SMC6: variants seen among roughly 807,000 people sequenced by gnomAD.
SMC6 encodes structural maintenance of chromosomes 6, also known as structural maintenance of chromosomes protein 6.
A neutral mutation model predicts 142.2 loss-of-function variants in SMC6; 79 were observed. The ratio of observed to expected loss-of-function variants is 0.56; its 90% CI spans 0.46 to 0.67. SMC6 has a LOEUF of 0.67. SMC6 is among the 30% of genes least tolerant of loss of function. SMC6 has a pLI of 0.00. For synonymous variants in SMC6, 411 were observed against 412.4 expected, an observed-to-expected ratio of 1.00 and a Z score of 0.04; for missense variants, 1,072 against 1,284.0, an observed-to-expected ratio of 0.83 and a Z score of 2.52.
chr2:17,735,169 T>C (rs1572349556), intron 5 of SMC6, among the ~76,000 whole-genome samples: 2 of 152,190 alleles, frequency 1.3e-5, no homozygotes, highest in East Asian at 1.9e-4. Flanking sequence ...AGCTGGGTAC[T>C]AGCTCTGCAG....
At chr2:17,667,282 A>T (rs1250305634) in intron 26 of SMC6, among the ~76,000 whole-genome samples, 1 of 152,190 alleles carries the variant, frequency 6.6e-6, no homozygotes, top group Non-Finnish European at 1.5e-5. Flanking sequence ...TCTCCCCATT[A>T]CCTCTACCAT....
rs1297137715 is a variant in SMC6, at chr2:17,664,891, G to A, written c.*608C>T. 1 of 152,360 alleles carries A rather than the reference G, an allele frequency of 6.6e-6. No individual in the cohort carries two copies. Among genetic ancestry groups the A allele is most frequent in the Non-Finnish European group, 1.5e-5 (1 of 68,184 alleles). 9.4% of individuals were successfully genotyped at this position (152,360 alleles called of 1,614,324 possible). On this transcript the variant is annotated 3_prime_UTR_variant, in exon 28 of 28. Transcript: ENST00000448223. ...TTTTAAATCAGGCAAGCATGATGGA[G>A]GTCAGAGTGAAAAACTGCGTCATTA...
At chr2:17,681,050 G>A (rs967134356) in intron 24 of SMC6, 1 of 152,168 alleles carries the variant, frequency 6.6e-6, no homozygotes, top group South Asian at 2.1e-4. Context: ...ATCTTAGTCA[G>A]TTCTTCTGGA....
chr2:17,700,593 G>C (rs1483057756), intron 20 of SMC6, among the ~76,000 whole-genome samples: 1 of 152,134 alleles, frequency 6.6e-6, no homozygotes, highest in Non-Finnish European at 1.5e-5. Flanking sequence ...ATATTTAGGA[G>C]ACAATATTCT....
At chr2:17,723,692 T>C (rs1669483757) in intron 9 of SMC6, among the ~76,000 whole-genome samples, 1 of 152,188 alleles carries the variant, frequency 6.6e-6, no homozygotes, top group African/African-American at 2.4e-5. Context: ...GATACTCAAA[T>C]TATTTACCAT....
At chr2:17,753,385 G>C (rs564291112) in intron 1 of SMC6, among the ~76,000 whole-genome samples, 49 of 152,342 alleles carry the variant, frequency 3.2e-4, no homozygotes, top group African/African-American at 9.9e-4. Flanking sequence ...GCAGACGCCA[G>C]GTTTCCCGCG....
chr2:17,673,610 C>T (rs754166801), intron 25 of SMC6, among the ~76,000 whole-genome samples: 20 of 149,918 alleles, frequency 1.3e-4, no homozygotes, highest in Admixed American at 4.6e-4. Flanking sequence ...GCTCTTATTG[C>T]CCAGGCTGGA....
chr2:17,668,963 C>T (rs1666631045), intron 26 of SMC6, among the ~76,000 whole-genome samples: 1 of 152,096 alleles, frequency 6.6e-6, no homozygotes, highest in South Asian at 2.1e-4. Flanking sequence ...TGGTGGAGGA[C>T]GGACCGAAGA....
intron 26 of SMC6, 59 bp downstream of exon 26, chr2:17,670,364 G>T: frequency 6.5e-7 from 1 of 1,528,246 alleles, no homozygotes; most frequent in Non-Finnish European, 8.9e-7. Context: ...CCTTCCTTTA[G>T]AAATACATGT....
intron 19 of SMC6, 94 bp downstream of exon 19, chr2:17,703,063 G>T: frequency 1.3e-6 from 1 of 778,616 alleles, no homozygotes; most frequent in Non-Finnish European, 1.9e-6. Flanking sequence ...AAAGGTTTGA[G>T]AATTGCTTGG....
In SMC6 at chr2:17,670,470, T is replaced by C. The variant is rs1001623564; in HGVS notation, c.3016A>G (p.Ile1006Val). The C allele has an allele frequency of 3.1e-5, 50 of 1,613,706 alleles. No homozygotes were observed. Among genetic ancestry groups the C allele is most frequent in the Non-Finnish European group, 3.7e-5 (44 of 1,179,884 alleles). Residue 1006 changes from isoleucine to valine, a missense_variant, in exon 26 of 28, where the codon ATC becomes GTC. Physicochemically the swap from Ile to Val is conservative, Grantham distance 29. Coordinates refer to ENST00000448223, the MANE Select transcript of SMC6 (RefSeq NM_001142286.2). ...AGGCATCTGAAAGGAGATTCTGCGA[T>C]GGACCACAGGGAAAGAATAAAACAC... is the stretch of plus-strand genomic sequence containing the variant. Reference protein sequence around the residue: ...TVCFILSLWSIAESPFRCLDE... With the variant: ...TVCFILSLWSVAESPFRCLDE...
chr2:17,740,831 T>C lies in SMC6; in HGVS notation c.238+781A>G, dbSNP rs192457334. 2.8e-3 allele frequency: 744 copies of C among 269,510 alleles called. 3 individuals are homozygous for C. Among genetic ancestry groups the C allele is most frequent in the African/African-American group, 0.017 (693 of 39,630 alleles). 16.7% of individuals were successfully genotyped at this position (269,510 alleles called of 1,614,324 possible). A position where few individuals can be genotyped will look rare whatever the true frequency, so the allele number is the denominator to read the frequency against. ...CACCACTGCACTCCAACCTGGGCGA[T>C]AGAGGGAGACTCTGTCTCAAAAAAA... On this transcript the variant is annotated intron_variant, in intron 4 of 27. Coordinates refer to ENST00000448223, the MANE Select transcript of SMC6 (RefSeq NM_001142286.2).
Position 17,716,769 on chromosome 2 carries a change from T to C in SMC6, c.1318A>G (p.Lys440Glu). 3 of 1,611,984 alleles carry C rather than the reference T, an allele frequency of 1.9e-6. No homozygotes were observed. The highest frequency in any genetic ancestry group is 2.5e-6 in the Non-Finnish European group (3 of 1,179,458). ...ATTTTGCCATGTTCTTCTTTGTCCT[T>C]TTCTATGGCTTGCTGAAACTGTTCG... ...EIEQFQQAIE[K>E]DKEEHGKIKR... The change falls in exon 14 of 28, where the codon AAG becomes GAG. Residue 440 changes from lysine (K) to glutamate (E), a missense_variant. Lys to Glu is a moderately conservative substitution (Grantham distance 56). This residue lies in a region of SMC6 where 994 missense variants were observed against 1,153.2 expected (regional missense o/e 0.86). Coordinates refer to ENST00000448223, the MANE Select transcript of SMC6 (RefSeq NM_001142286.2).
Position 17,670,453 on chromosome 2 carries a change from G to C in SMC6, c.3033C>G (p.Phe1011Leu). The stretch of plus-strand genomic sequence containing the variant: ...AGACATCAAATTCATCCAGGCATCT[G>C]AAAGGAGATTCTGCGATGGACCACA... ...LSLWSIAESP[F>L]RCLDEFDVYM... Residue 1011 changes from phenylalanine to leucine, a missense_variant, in exon 26 of 28, where the codon TTC becomes TTG. Coordinates refer to ENST00000448223, the MANE Select transcript of SMC6 (RefSeq NM_001142286.2). 6.2e-7 allele frequency: 1 copy of C among 1,613,648 alleles called. No homozygotes were observed.
chr2:17,697,772 T>C (rs1668072388), intron 21 of SMC6, among the ~76,000 whole-genome samples: 1 of 152,080 alleles, frequency 6.6e-6, no homozygotes, highest in South Asian at 2.1e-4. Flanking sequence ...TACAGTCACT[T>C]TGGAAAAGTT....
At chr2:17,665,781 T>C (rs1352374546) in intron 27 of SMC6, among the ~76,000 whole-genome samples, 168 bp from the exon 28 acceptor site, 5 of 152,206 alleles carry the variant, frequency 3.3e-5, no homozygotes, top group Non-Finnish European at 7.3e-5. Flanking sequence ...AAGGAAATAA[T>C]TTGTTTTCCA....
chr2:17,664,835 C>CT lies in SMC6; in HGVS notation c.*663dup, dbSNP rs1050242314. 2 of 152,256 alleles carry CT rather than the reference C, an allele frequency of 1.3e-5. No homozygotes were observed. Among genetic ancestry groups the CT allele is most frequent in the African/African-American group, 4.8e-5 (2 of 41,412 alleles). 9.4% of individuals were successfully genotyped at this position (152,256 alleles called of 1,614,324 possible). On this transcript the variant is annotated 3_prime_UTR_variant, in exon 28 of 28. Coordinates refer to ENST00000448223, the MANE Select transcript of SMC6 (RefSeq NM_001142286.2). ...TGTGTCCTCTCAGCTGAGGACAAGC[C>CT]TGAACAGTCCCTGGACTGCAAACTG...
At chr2:17,678,108 A>G (rs529742847) in intron 25 of SMC6, among the ~76,000 whole-genome samples, 55 of 152,260 alleles carry the variant, frequency 3.6e-4, no homozygotes, top group Admixed American at 2.6e-3. Context: ...TTTTTTACTC[A>G]AAAGTGGCCA....
At chr2:17,711,176 T>C (rs984134992) in intron 16 of SMC6, among the ~76,000 whole-genome samples, 11 of 152,310 alleles carry the variant, frequency 7.2e-5, no homozygotes, top group African/African-American at 2.6e-4. Flanking sequence ...AAGCTGTTAC[T>C]ACCAGTTTCC....
Sources: allele counts gnomAD v4.1 joint callset (sites outside exome capture counted in the v4.1 genomes callset), GRCh38; gene constraint gnomAD v4.1.1; regional missense constraint gnomAD v4.1.1; transcripts MANE v1.5; gene names NCBI Gene and HGNC (gene_info 2026-07-23, HGNC 2026-07-21).